Variants in NFIA observed in about 807,000 individuals in gnomAD.
The protein encoded by NFIA is nuclear factor I A, also known as nuclear factor 1 A-type.
In NFIA, 8 loss-of-function variants were observed where a neutral mutation model predicts 62.8. The observed-to-expected ratio is 0.13, with a 90% CI of 0.07 to 0.23. NFIA has a LOEUF of 0.23. Among genes scored for constraint, NFIA ranks in the 10% least tolerant of loss-of-function variants. The pLI, the probability that NFIA is intolerant of heterozygous loss-of-function variation, is 1.00. For missense variants in NFIA, 410 were observed against 642.1 expected (o/e 0.64, Z 3.91); for synonymous variants, 235 against 238.1 (o/e 0.99, Z 0.12).
chr1:61,457,729 C>T lies in NFIA; in HGVS notation c.*2409C>T, dbSNP rs1290985265. 6.6e-6 allele frequency: 1 copy of T among 151,592 alleles called. No homozygotes were observed. Among genetic ancestry groups the T allele is most frequent in the African/African-American group, 2.4e-5 (1 of 41,238 alleles). The allele number at this position is 151,592 out of a possible 1,614,324, so 9.4% of individuals were successfully genotyped here. A position where few individuals can be genotyped will look rare whatever the true frequency, so the allele number is the denominator to read the frequency against. ...TTTTTGTGATTTTTGAATGCACGTGCGCAGGAAGGGCTCCTCTTAGAGAAG... is the reference window on the plus strand; with the variant it reads ...TTTTTGTGATTTTTGAATGCACGTGTGCAGGAAGGGCTCCTCTTAGAGAAG... On this transcript the variant is annotated 3_prime_UTR_variant, in exon 11 of 11. Coordinates refer to ENST00000403491, the MANE Select transcript of NFIA (RefSeq NM_001134673.4). The surrounding 1 kb of genome is among the most constrained non-coding windows in gnomAD (Gnocchi z 4.2).
intron 2 of NFIA, among the ~76,000 whole-genome samples, chr1:61,207,263 C>G (rs988838642): frequency 4.6e-5 from 7 of 152,086 alleles, no homozygotes; most frequent in African/African-American, 1.7e-4. Context: ...TGTTTTATTT[C>G]TCTCAAATTT....
At chr1:61,328,037 TG>T (rs1661051107) in intron 3 of NFIA, among the ~76,000 whole-genome samples, 1 of 152,218 alleles carries the variant, frequency 6.6e-6, no homozygotes, top group African/African-American at 2.4e-5. Flanking sequence ...TTTTCATGTT[TG>T]TTGGCCATTT....
At chr1:61,451,537 A>G (rs549105137) in intron 10 of NFIA, among the ~76,000 whole-genome samples, 1 of 152,270 alleles carries the variant, frequency 6.6e-6, no homozygotes, top group African/African-American at 2.4e-5. Context: ...TTGAAAGAGG[A>G]CAGTCACCCC....
intron 2 of NFIA, among the ~76,000 whole-genome samples, chr1:61,209,979 C>T (rs796569582): frequency 1.3e-5 from 2 of 152,308 alleles, no homozygotes; most frequent in African/African-American, 4.8e-5. Context: ...TACTTCCTTC[C>T]AGCCTTTTTC....
chr1:61,088,738 C>T lies in NFIA; in HGVS notation c.559+58C>T. The T allele has an allele frequency of 6.5e-7, 1 of 1,540,546 alleles. No individual in the cohort carries two copies. The highest frequency in any genetic ancestry group is 1.4e-5 in the African/African-American group (1 of 73,096). On this transcript the variant is annotated intron_variant, in intron 2 of 10. Transcript: ENST00000403491. This position sits in a 1 kb window ranked among gnomAD's most constrained non-coding sequence, Gnocchi z 4.5. ...CTTGTGTGTGTTTCTTTCCTGATGGCCTCCGCGTTATGCCGGATTCTTCCT... is the reference window on the plus strand; with the variant it reads ...CTTGTGTGTGTTTCTTTCCTGATGGTCTCCGCGTTATGCCGGATTCTTCCT...
chr1:61,402,611 T>C (rs1158144083), intron 7 of NFIA, among the ~76,000 whole-genome samples: 1 of 152,176 alleles, frequency 6.6e-6, no homozygotes, highest in Non-Finnish European at 1.5e-5. Context: ...CTGATTCAAA[T>C]AGGTTATGTT....
chr1:61,413,328 A>G (rs914307296), intron 9 of NFIA, among the ~76,000 whole-genome samples: 2 of 152,186 alleles, frequency 1.3e-5, no homozygotes, highest in African/African-American at 4.8e-5. Flanking sequence ...ACATGTGTTC[A>G]ATGCTTTTTG....
intron 2 of NFIA, among the ~76,000 whole-genome samples, chr1:61,188,997 G>A (rs1651410984): frequency 6.6e-6 from 1 of 152,114 alleles, no homozygotes; most frequent in Non-Finnish European, 1.5e-5. Flanking sequence ...ATAAAAAATG[G>A]CCAGTATGGT....
rs555753101 is a variant in NFIA, at chr1:61,412,579, G to A, written c.1420+5852G>A. On this transcript the variant is annotated intron_variant, in intron 9 of 10. Coordinates refer to ENST00000403491, the MANE Select transcript of NFIA (RefSeq NM_001134673.4). ...CAGCTGAGATGGGAAGACCACAGGA[G>A]GGGCATCTCTGGGTGAGGGGTGGAG... is the stretch of plus-strand genomic sequence containing the variant. Among the ~76,000 whole-genome samples, 11 of 152,320 alleles carry A rather than the reference G, an allele frequency of 7.2e-5. No individual in the cohort carries two copies. The South Asian group carries it at 2.3e-3, about 32-fold the overall frequency.
At chr1:61,246,801 T>A (rs1187047845) in intron 2 of NFIA, among the ~76,000 whole-genome samples, 1 of 152,236 alleles carries the variant, frequency 6.6e-6, no homozygotes, top group Non-Finnish European at 1.5e-5. Context: ...GGGCTCCTGA[T>A]GTGAAATTGG....
At chr1:61,305,995 A>C (rs898056886) in intron 3 of NFIA, among the ~76,000 whole-genome samples, 4 of 151,786 alleles carry the variant, frequency 2.6e-5, no homozygotes, top group Non-Finnish European at 4.4e-5. Flanking sequence ...CTACAGGCAC[A>C]CACCACCACG....
At chr1:61,233,038 A>G (rs1246248411) in intron 2 of NFIA, among the ~76,000 whole-genome samples, 1 of 152,124 alleles carries the variant, frequency 6.6e-6, no homozygotes, top group Non-Finnish European at 1.5e-5. Context: ...TAGAGTGTGT[A>G]TTTAGTGCCT....
At chr1:61,138,588 T>C (rs1647269228) in intron 2 of NFIA, among the ~76,000 whole-genome samples, 1 of 151,838 alleles carries the variant, frequency 6.6e-6, no homozygotes. Context: ...TTTATTTATT[T>C]ATTTATTATT....
chr1:61,384,524 G>C (rs1004775876), intron 7 of NFIA, among the ~76,000 whole-genome samples: 3 of 152,078 alleles, frequency 2.0e-5, no homozygotes, highest in Non-Finnish European at 4.4e-5. Context: ...AATCAGAGAG[G>C]CTTACTATCG....
At chr1:61,266,973 GA>G (rs1657212839) in intron 2 of NFIA, among the ~76,000 whole-genome samples, 2 of 152,166 alleles carry the variant, frequency 1.3e-5, no homozygotes, top group African/African-American at 4.8e-5. Context: ...TGAGTCAGTT[GA>G]GGTTCAGGGA....
intron 2 of NFIA, among the ~76,000 whole-genome samples, chr1:61,190,527 C>T (rs1000964120): frequency 6.6e-6 from 1 of 152,308 alleles, no homozygotes; most frequent in South Asian, 2.1e-4. Context: ...TTTATGGTTA[C>T]ATCACAAGAA....
At chr1:61,257,341 T>TTTG (rs1656470363) in intron 2 of NFIA, among the ~76,000 whole-genome samples, 1 of 134,654 alleles carries the variant, frequency 7.4e-6, no homozygotes, top group East Asian at 2.2e-4. Flanking sequence ...TTTTTTTTTT[T>TTTG]TTTTTTTTTT....
At chr1:61,148,635 G>A (rs1326323110) in intron 2 of NFIA, among the ~76,000 whole-genome samples, 1 of 152,190 alleles carries the variant, frequency 6.6e-6, no homozygotes, top group African/African-American at 2.4e-5. Context: ...TGCATCATTT[G>A]CATGTACATC....
intron 5 of NFIA, among the ~76,000 whole-genome samples, chr1:61,358,621 A>G (rs1008328691): frequency 3.3e-5 from 5 of 152,006 alleles, no homozygotes; most frequent in African/African-American, 9.7e-5. Flanking sequence ...CCTGACCTCA[A>G]GTGTGATCAG....
Sources: gnomAD v4.1 joint callset for allele counts (sites outside exome capture counted in the v4.1 genomes callset) on GRCh38, gnomAD v4.1.1 for gene constraint, Gnocchi (gnomAD v3.1) non-coding constraint, MANE v1.5 for transcripts, NCBI Gene and HGNC (gene_info 2026-07-23, HGNC 2026-07-21) for gene names.